The following PLCL2 variants were observed in gnomAD, a reference collection of about 807,000 sequenced individuals.
PLCL2 encodes the protein inactive phospholipase C-like protein 2.
Under a neutral mutation model 79.6 loss-of-function variants are expected in PLCL2, and 4 were observed. That is an observed-to-expected ratio of 0.05 (90% CI 0.02 to 0.11). PLCL2 has a LOEUF of 0.11. PLCL2 is among the 10% of genes least tolerant of loss of function. The pLI is 1.00. For synonymous variants in PLCL2, 484 were observed against 457.7 expected (o/e 1.06, Z -0.73); for missense variants, 895 against 1,291.0 (o/e 0.69, Z 4.70).
intron 1 of PLCL2, among the ~76,000 whole-genome samples, chr3:16,889,045 C>T (rs1429091655): frequency 6.6e-6 from 1 of 152,168 alleles, no homozygotes; most frequent in African/African-American, 2.4e-5. Flanking sequence ...CAATGGCAAT[C>T]TTCGGTTCTT....
intron 4 of PLCL2, among the ~76,000 whole-genome samples, chr3:17,064,211 A>G (rs1471355298): frequency 2.0e-5 from 3 of 152,188 alleles, no homozygotes; most frequent in Admixed American, 2.0e-4. Context: ...TTTCCTAGTA[A>G]TTTAGTTCCA....
At chr3:17,064,835 A>C (rs979562177) in intron 4 of PLCL2, among the ~76,000 whole-genome samples, 3 of 151,160 alleles carry the variant, frequency 2.0e-5, no homozygotes, top group Non-Finnish European at 4.4e-5. Context: ...AGGCTGAGGC[A>C]GGAGAATTGC....
intron 1 of PLCL2, among the ~76,000 whole-genome samples, chr3:16,956,761 G>A (rs1176823848): frequency 2.6e-5 from 4 of 152,066 alleles, no homozygotes; most frequent in African/African-American, 9.7e-5. Context: ...GTCTTGGGAG[G>A]GTGTATGTGT....
Position 16,910,044 on chromosome 3 carries a change from C to T in PLCL2, c.327+24678C>T, listed in dbSNP as rs531134137. On this transcript the variant is annotated intron_variant, in intron 1 of 5. Coordinates refer to ENST00000615277, the MANE Select transcript of PLCL2 (RefSeq NM_001144382.2). ...AAAAGATCTCAATCCTTCTTCCCTC[C>T]TCAGCTAATTCATAAGCAGCTCTCC... is the stretch of plus-strand genomic sequence containing the variant. Among the ~76,000 whole-genome samples the T allele has an allele frequency of 3.3e-5, 5 of 152,310 alleles. No individual in the cohort carries two copies. In the South Asian group the frequency reaches 1.0e-3, roughly 32 times the overall value.
At chr3:17,082,350 G>A (rs1236693798) in intron 5 of PLCL2, among the ~76,000 whole-genome samples, 2 of 151,014 alleles carry the variant, frequency 1.3e-5, no homozygotes, top group Non-Finnish European at 3.0e-5. Flanking sequence ...AGGTTTCACC[G>A]TGTACTCCTG....
At chr3:16,980,088 T>G (rs1163103655) in intron 1 of PLCL2, among the ~76,000 whole-genome samples, 1 of 27,264 alleles carries the variant, frequency 3.7e-5, no homozygotes, top group South Asian at 1.1e-3. Context: ...GCTGGCCAGG[T>G]AGGGGGCTGA....
chr3:17,023,942 C>G (rs1356627078), intron 3 of PLCL2, among the ~76,000 whole-genome samples: 1 of 152,170 alleles, frequency 6.6e-6, no homozygotes, highest in Non-Finnish European at 1.5e-5. Flanking sequence ...GACACCATCC[C>G]CATCACACTT....
intron 1 of PLCL2, among the ~76,000 whole-genome samples, chr3:16,973,408 G>C (rs929582796): frequency 1.8e-4 from 27 of 150,134 alleles, no homozygotes; most frequent in Admixed American, 9.9e-4. Context: ...CTGTGTCTTG[G>C]GGATGTCATC....
intron 1 of PLCL2, among the ~76,000 whole-genome samples, chr3:16,893,649 T>C (rs1275522832): frequency 1.3e-5 from 2 of 152,228 alleles, no homozygotes; most frequent in African/African-American, 4.8e-5. Context: ...AATTCATTTA[T>C]TTGCATATTA....
chr3:16,921,985 AAGAG>A (rs1168248121), intron 1 of PLCL2, among the ~76,000 whole-genome samples: 1 of 152,154 alleles, frequency 6.6e-6, no homozygotes, highest in African/African-American at 2.4e-5. Context: ...AGAGCAAAAA[AAGAG>A]AGAAAAAAGT....
intron 3 of PLCL2, among the ~76,000 whole-genome samples, chr3:17,018,434 T>G (rs940167684): frequency 6.6e-6 from 1 of 152,218 alleles, no homozygotes; most frequent in Non-Finnish European, 1.5e-5. Context: ...CCCATGATTT[T>G]GGGGCTCAAC....
chr3:16,955,011 G>T (rs553966653), intron 1 of PLCL2, among the ~76,000 whole-genome samples: 297 of 152,250 alleles, frequency 2.0e-3, no homozygotes, highest in African/African-American at 6.8e-3. Flanking sequence ...CTTTTGCTGT[G>T]CAGAAGCTCT....
chr3:16,925,683 C>T (rs1697230092), intron 1 of PLCL2, among the ~76,000 whole-genome samples: 1 of 152,212 alleles, frequency 6.6e-6, no homozygotes, highest in Non-Finnish European at 1.5e-5. Flanking sequence ...AAAGGTTCAT[C>T]CATGTTGCAG....
Position 17,011,259 on chromosome 3 carries a change from A to G in PLCL2, c.1913A>G (p.Gln638Arg). 1 of 1,614,212 alleles carries G rather than the reference A, an allele frequency of 6.2e-7. No homozygotes were observed. Among genetic ancestry groups the G allele is most frequent in the Non-Finnish European group, 8.5e-7 (1 of 1,180,014 alleles). ...TTCAAAGAATTTCAGGTGTCGTTTC[A>G]GGTTCAGAAGTACTGGGAAGTCTGT... ...VQFKEFQVSF[Q>R]VQKYWEVCSF... Residue 638 changes from glutamine to arginine, a missense_variant, in exon 2 of 6, where the codon CAG becomes CGG. By Grantham distance (43) the Gln-to-Arg change is conservative. This residue lies in a region of PLCL2 where 242 missense variants were observed against 399.5 expected (regional missense o/e 0.61). Coordinates refer to ENST00000615277, the MANE Select transcript of PLCL2 (RefSeq NM_001144382.2). The surrounding 1 kb of genome is among the most constrained non-coding windows in gnomAD (Gnocchi z 7.9).
At chr3:17,014,048 GT>G (rs1315436689) in intron 2 of PLCL2, among the ~76,000 whole-genome samples, 1 of 152,216 alleles carries the variant, frequency 6.6e-6, no homozygotes, top group Non-Finnish European at 1.5e-5. Flanking sequence ...GCATTTTATA[GT>G]GTTGAAGGTT....
At chr3:17,049,207 A>G (rs2064813960) in intron 4 of PLCL2, among the ~76,000 whole-genome samples, 1 of 152,220 alleles carries the variant, frequency 6.6e-6, no homozygotes, top group Admixed American at 6.5e-5. Flanking sequence ...TGAAGTCATT[A>G]TATGACAATT....
At chr3:16,952,012 T>C (rs2063658260) in intron 1 of PLCL2, among the ~76,000 whole-genome samples, 1 of 152,070 alleles carries the variant, frequency 6.6e-6, no homozygotes, top group Admixed American at 6.6e-5. Context: ...AAGCCATCTA[T>C]GTAGATGGGG....
At chr3:16,923,464 G>A (rs1363672650) in intron 1 of PLCL2, among the ~76,000 whole-genome samples, 1 of 152,198 alleles carries the variant, frequency 6.6e-6, no homozygotes, top group Non-Finnish European at 1.5e-5. Context: ...ATTTCCTCTT[G>A]CCCTCTTCAG....
intron 1 of PLCL2, among the ~76,000 whole-genome samples, chr3:16,895,356 T>G (rs1696454833): frequency 1.3e-5 from 2 of 152,214 alleles, no homozygotes; most frequent in Non-Finnish European, 2.9e-5. Flanking sequence ...CTTATTGTTC[T>G]ATTTTTCATG....
Sources: gnomAD v4.1 joint callset for allele counts (sites outside exome capture counted in the v4.1 genomes callset) on GRCh38, gnomAD v4.1.1 for gene constraint, gnomAD v4.1.1 regional missense constraint, Gnocchi (gnomAD v3.1) non-coding constraint, MANE v1.5 for transcripts, NCBI Gene and HGNC (gene_info 2026-07-23, HGNC 2026-07-21) for gene names.